SNTG1: variants seen among roughly 807,000 people sequenced by gnomAD.
SNTG1 encodes gamma-1-syntrophin.
In SNTG1, 39 loss-of-function variants were observed where a neutral mutation model predicts 74.7. The observed-to-expected ratio is 0.52, with a 90% CI of 0.40 to 0.68. The LOEUF (loss-of-function observed/expected upper bound fraction) is 0.68, where lower values mean the gene tolerates loss of function less well. Ranked by LOEUF, SNTG1 falls within the 30% of genes least tolerant of loss-of-function variation. The pLI, the probability that SNTG1 is intolerant of heterozygous loss-of-function variation, is 0.00. For missense variants in SNTG1, 685 were observed against 609.5 expected, an observed-to-expected ratio of 1.12 and a Z score of -1.30; for synonymous variants, 254 against 217.1, an observed-to-expected ratio of 1.17 and a Z score of -1.49.
In SNTG1 at chr8:50,753,595, T is replaced by G. The variant is rs1453496034; in HGVS notation, c.1395+1484T>G. 2.6e-5 allele frequency among the ~76,000 whole-genome samples: 4 copies of G among 151,972 alleles called. No homozygotes were observed. In the East Asian group the frequency reaches 7.8e-4, roughly 30 times the overall value. On this transcript the variant is annotated intron_variant, in intron 18 of 18. Coordinates refer to ENST00000642720, the MANE Select transcript of SNTG1 (RefSeq NM_018967.5). ...CTATGGTATTTAGATATTAATTTAG[T>G]GTAGCGTGTATTATACATGCAATTA...
Position 50,608,127 on chromosome 8 carries a change from G to T in SNTG1, c.849+17210G>T, listed in dbSNP as rs760692686. Among the ~76,000 whole-genome samples, 40 of 151,610 alleles carry T rather than the reference G, an allele frequency of 2.6e-4. No homozygotes were observed. In the Middle Eastern group the frequency reaches 0.01, roughly 39 times the overall value. On this transcript the variant is annotated intron_variant, in intron 13 of 18. Coordinates refer to ENST00000642720, the MANE Select transcript of SNTG1 (RefSeq NM_018967.5). ...TACTGGCATCCATGTTACTTTTCCT[G>T]GATCATGTTGCAGGGATTTTTATAA...
At chr8:50,037,949 C>T (rs763140025) in intron 1 of SNTG1, among the ~76,000 whole-genome samples, 10 of 152,168 alleles carry the variant, frequency 6.6e-5, no homozygotes, top group Non-Finnish European at 1.3e-4. Context: ...CACTGAAATC[C>T]CTTCTGGCAT....
chr8:50,780,744 A>T (rs558756438), intron 18 of SNTG1, among the ~76,000 whole-genome samples: 1 of 152,058 alleles, frequency 6.6e-6, no homozygotes, highest in Non-Finnish European at 1.5e-5. Context: ...GCCTTCTGCT[A>T]TCTTTTGAAT....
Position 50,071,815 on chromosome 8 carries a change from TA to T in SNTG1, c.-102-100733del, listed in dbSNP as rs10657455. Among the ~76,000 whole-genome samples, 136 of 145,398 alleles carry T rather than the reference TA, an allele frequency of 9.4e-4. 1 individual carries two copies. The highest frequency in any genetic ancestry group is 2.9e-3 in the African/African-American group (113 of 39,202). On this transcript the variant is annotated intron_variant, in intron 1 of 18. Transcript: ENST00000642720. The stretch of plus-strand genomic sequence containing the variant: ...ATTTTGATAGAGAACATACTAGTAC[TA>T]AAAAAAAAAAAACCTAAGATTAATT...
At chr8:50,005,952 G>T (rs1815182703) in intron 1 of SNTG1, among the ~76,000 whole-genome samples, 1 of 128,438 alleles carries the variant, frequency 7.8e-6, no homozygotes, top group African/African-American at 3.2e-5. Flanking sequence ...TCCATTACTT[G>T]CACTTTTTTT....
intron 1 of SNTG1, among the ~76,000 whole-genome samples, chr8:50,131,193 T>C (rs1020212738): frequency 6.6e-6 from 1 of 152,096 alleles, no homozygotes; most frequent in African/African-American, 2.4e-5. Context: ...GTGTTTGCTT[T>C]CAGTGTGAAG....
chr8:50,190,832 A>G (rs978774354), intron 2 of SNTG1, among the ~76,000 whole-genome samples: 4 of 152,200 alleles, frequency 2.6e-5, no homozygotes, highest in African/African-American at 9.6e-5. Flanking sequence ...GGAAGCAGCC[A>G]CCTGTTCACT....
intron 2 of SNTG1, among the ~76,000 whole-genome samples, chr8:50,385,665 C>T (rs2092562741): frequency 6.6e-6 from 1 of 152,128 alleles, no homozygotes; most frequent in Admixed American, 6.6e-5. Context: ...TGAGGTAGGA[C>T]AGTGAGGGTA....
intron 1 of SNTG1, among the ~76,000 whole-genome samples, chr8:50,153,036 G>A (rs1262381527): frequency 6.6e-6 from 1 of 152,158 alleles, no homozygotes; most frequent in Non-Finnish European, 1.5e-5. Flanking sequence ...TCACTTTCAG[G>A]TACACCAATC....
At chr8:50,126,111 CTG>C (rs1370813761) in intron 1 of SNTG1, among the ~76,000 whole-genome samples, 2 of 152,038 alleles carry the variant, frequency 1.3e-5, no homozygotes, top group African/African-American at 4.8e-5. Context: ...TGGCCGCACA[CTG>C]AGAAAGGTGA....
At chr8:50,540,851 T>C (rs2094341557) in intron 11 of SNTG1, among the ~76,000 whole-genome samples, 1 of 152,028 alleles carries the variant, frequency 6.6e-6, no homozygotes, top group Non-Finnish European at 1.5e-5. Context: ...TCCTATTCTT[T>C]AAACTTTTAT....
At position 50,407,091 on chromosome 8, in the gene SNTG1, G is replaced by A. The variant is rs530002731; in HGVS notation, c.162+4747G>A. ...TGACCTTTCACAGTGCACTGTTTGT[G>A]TTGTATTGCCACAATACATAGTCCA... On this transcript the variant is annotated intron_variant, in intron 4 of 18. Coordinates refer to ENST00000642720, the MANE Select transcript of SNTG1 (RefSeq NM_018967.5). Among the ~76,000 whole-genome samples, 3 of 152,266 alleles carry A rather than the reference G, an allele frequency of 2.0e-5. No individual in the cohort carries two copies. In the South Asian group the frequency reaches 6.2e-4, roughly 32 times the overall value.
At chr8:50,687,200 A>G (rs186268917) in intron 15 of SNTG1, among the ~76,000 whole-genome samples, 1 of 152,088 alleles carries the variant, frequency 6.6e-6, no homozygotes, top group Admixed American at 6.5e-5. Context: ...ATAGAAAACC[A>G]TGAAACCACA....
At chr8:50,297,611 G>T (rs1471542120) in intron 2 of SNTG1, among the ~76,000 whole-genome samples, 2 of 152,150 alleles carry the variant, frequency 1.3e-5, no homozygotes, top group Non-Finnish European at 2.9e-5. Flanking sequence ...CTCAGAGGTG[G>T]GGAGGCTACA....
intron 1 of SNTG1, among the ~76,000 whole-genome samples, chr8:49,935,139 G>T: frequency 6.6e-6 from 1 of 151,236 alleles, no homozygotes; most frequent in East Asian, 2.0e-4. Flanking sequence ...ATGAATTTAA[G>T]AACTTATTCC....
intron 5 of SNTG1, among the ~76,000 whole-genome samples, chr8:50,447,534 T>G (rs1467784413): frequency 6.6e-6 from 1 of 152,168 alleles, no homozygotes; most frequent in African/African-American, 2.4e-5. Context: ...TTTCCAAGTG[T>G]CTCTAGAGGC....
At chr8:50,394,845 A>C (rs7845427) in intron 3 of SNTG1, among the ~76,000 whole-genome samples, 2 of 149,256 alleles carry the variant, frequency 1.3e-5, no homozygotes, top group East Asian at 2.0e-4. Context: ...AGAAAAACTA[A>C]CTTTTTTTTT....
chr8:50,723,895 G>A (rs16915315), intron 17 of SNTG1, among the ~76,000 whole-genome samples: 16,074 of 152,160 alleles, frequency 0.11, 2,397 homozygotes, highest in African/African-American at 0.33. Flanking sequence ...TGAGACCATA[G>A]CAAGAATGGA....
intron 13 of SNTG1, among the ~76,000 whole-genome samples, chr8:50,629,190 T>C (rs528057092): frequency 5.3e-5 from 8 of 152,164 alleles, no homozygotes; most frequent in Non-Finnish European, 1.0e-4. Flanking sequence ...TGCTCACTTG[T>C]GGTATATCTT....
Sources: allele counts gnomAD v4.1 joint callset (sites outside exome capture counted in the v4.1 genomes callset), GRCh38; gene constraint gnomAD v4.1.1; transcripts MANE v1.5; gene names NCBI Gene and HGNC (gene_info 2026-07-23, HGNC 2026-07-21).